SLC35G2: variants seen among roughly 807,000 people sequenced by gnomAD.
SLC35G2 encodes the protein solute carrier family 35 member G2.
SLC35G2 carries 20 observed loss-of-function variants against 27.2 expected under a neutral mutation model. The observed-to-expected ratio is 0.74, with a 90% CI of 0.52 to 1.07. The LOEUF is 1.07. Ranked by LOEUF, SLC35G2 falls within the 50% of genes least tolerant of loss-of-function variation. The pLI is 0.00. For missense variants in SLC35G2, 416 were observed against 493.3 expected (o/e 0.84, Z 1.48); for synonymous variants, 148 against 165.3 (o/e 0.90, Z 0.80).
Position 136,854,893 on chromosome 3 carries a change from G to A in SLC35G2, c.433G>A (p.Val145Ile). ...ELIFIRSVFQVLSVLVVCYYQ... is the reference protein window; with the variant it reads ...ELIFIRSVFQILSVLVVCYYQ... ...GATTTTTATCCGTTCTGTTTTTCAG[G>A]TCTTATCTGTGTTAGTTGTGTGTTA... Residue 145 changes from valine (V) to isoleucine (I), a missense_variant, in exon 2 of 2, where the codon GTC (valine) becomes ATC (isoleucine). Transcript: ENST00000446465. The A allele has an allele frequency of 1.2e-6, 2 of 1,614,126 alleles. No individual in the cohort carries two copies. The highest frequency in any genetic ancestry group is 2.2e-5 in the East Asian group (1 of 44,874).
At chr3:136,839,446 C>T (rs956748568) in intron 1 of SLC35G2, among the ~76,000 whole-genome samples, 2 of 151,904 alleles carry the variant, frequency 1.3e-5, no homozygotes, top group Admixed American at 1.3e-4. Context: ...GTTTTTTTTT[C>T]AACCTCAGTT....
intron 1 of SLC35G2, among the ~76,000 whole-genome samples, chr3:136,824,534 CA>C (rs1936537784): frequency 6.6e-6 from 1 of 152,106 alleles, no homozygotes; most frequent in South Asian, 2.1e-4. Context: ...TCACTGTTGG[CA>C]TATAGAAATG....
In SLC35G2 at chr3:136,854,469, T is replaced by G. The variant is rs372028924; in HGVS notation, c.9T>G (p.Thr3=). The G allele has an allele frequency of 6.3e-7, 1 of 1,575,574 alleles. No individual in the cohort carries two copies. The highest frequency in any genetic ancestry group is 1.2e-5 in the South Asian group (1 of 85,296). MD[T]SPSRKYPVKK... The stretch of plus-strand genomic sequence containing the variant: ...ATTGATTATCTGAAGAAATGGATAC[T>G]TCTCCCTCCAGAAAATATCCAGTTA... The change falls in exon 2 of 2, where the codon ACT becomes ACG. Residue 3 remains threonine, a synonymous_variant. Coordinates refer to ENST00000446465, the MANE Select transcript of SLC35G2 (RefSeq NM_025246.3).
intron 1 of SLC35G2, among the ~76,000 whole-genome samples, chr3:136,835,406 T>C (rs754817604): frequency 4.0e-5 from 6 of 150,598 alleles, no homozygotes; most frequent in Non-Finnish European, 8.8e-5. Flanking sequence ...AGGAATGTGA[T>C]AGAAGTGAAA....
chr3:136,855,774 CTT>C lies in SLC35G2; in HGVS notation c.*78_*79del. 8.4e-7 allele frequency: 1 copy of C among 1,197,360 alleles called. No homozygotes were observed. The highest frequency in any genetic ancestry group is 1.2e-6 in the Non-Finnish European group (1 of 816,010). 74.2% of individuals were successfully genotyped at this position (1,197,360 alleles called of 1,614,324 possible). A position where few individuals can be genotyped will look rare whatever the true frequency, so the allele number is the denominator to read the frequency against. ...CATTTTAATGTTTACCTATGAATGT[CTT>C]TTGTGTTATATAACTGACAGAGTGC... On this transcript the variant is annotated 3_prime_UTR_variant, in exon 2 of 2. Coordinates refer to ENST00000446465, the MANE Select transcript of SLC35G2 (RefSeq NM_025246.3).
intron 1 of SLC35G2, chr3:136,837,241 CA>C (rs1936899419): frequency 6.6e-6 from 1 of 152,090 alleles, no homozygotes; most frequent in African/African-American, 2.4e-5. Context: ...GTTTAGGCAC[CA>C]GACACCATCC....
intron 1 of SLC35G2, among the ~76,000 whole-genome samples, chr3:136,822,594 C>T (rs571629726): frequency 6.6e-6 from 1 of 152,190 alleles, no homozygotes. Flanking sequence ...GGATTACAGG[C>T]GTGAGCCACT....
At chr3:136,838,834 G>T (rs1936976437) in intron 1 of SLC35G2, 1 of 152,164 alleles carries the variant, frequency 6.6e-6, no homozygotes, top group Non-Finnish European at 1.5e-5. Flanking sequence ...ACTCAGCTGG[G>T]CTGCTCTGAT....
rs751359701 is a variant in SLC35G2 at position 136,854,810 on chromosome 3, G to A, written c.350G>A (p.Cys117Tyr). Residue 117 changes from cysteine (C) to tyrosine (Y), a missense_variant, in exon 2 of 2, where the codon TGT becomes TAT. By Grantham distance (194) the Cys-to-Tyr change is radical (BLOSUM62 -2). Transcript: ENST00000446465. ...VLFGSALAHG[C>Y]VALITRLVSD... ...TTTGGATCTGCTTTGGCTCATGGATGTGTAGCTCTTATCACTAGGCTTGTT... is the reference window on the plus strand; with the variant it reads ...TTTGGATCTGCTTTGGCTCATGGATATGTAGCTCTTATCACTAGGCTTGTT... 2 of 1,614,184 alleles carry A rather than the reference G, an allele frequency of 1.2e-6. No homozygotes were observed. The highest frequency in any genetic ancestry group is 1.7e-6 in the Non-Finnish European group (2 of 1,180,026).
Position 136,855,738 on chromosome 3 carries a change from AT to A in SLC35G2, c.*40del. 20 of 1,472,920 alleles carry A rather than the reference AT, an allele frequency of 1.4e-5. No individual in the cohort carries two copies. Among genetic ancestry groups the A allele is most frequent in the Non-Finnish European group, 1.9e-5 (20 of 1,052,572 alleles). The allele number at this position is 1,472,920 out of a possible 1,614,324, so 91.2% of individuals were successfully genotyped here. On this transcript the variant is annotated 3_prime_UTR_variant, in exon 2 of 2. Coordinates refer to ENST00000446465, the MANE Select transcript of SLC35G2 (RefSeq NM_025246.3). ...ATTGTCTCATTAATGTTCAGTTATT[AT>A]GTATACTGCCATTTTAATGTTTACC...
At chr3:136,821,229 A>G in intron 1 of SLC35G2, among the ~76,000 whole-genome samples, 1 of 83,176 alleles carries the variant, frequency 1.2e-5, no homozygotes, top group Non-Finnish European at 2.7e-5. Context: ...TTTTAAATGG[A>G]CCAATCCTCT....
rs187443639 is a variant in SLC35G2, at chr3:136,834,426, C to T, written c.-19+14798C>T. ...TTGGCTTACTGCAACCTCTGCCTCCCGGGTTCAAGCGATTCTCATGCCTCA... is the reference window on the plus strand; with the variant it reads ...TTGGCTTACTGCAACCTCTGCCTCCTGGGTTCAAGCGATTCTCATGCCTCA... On this transcript the variant is annotated intron_variant, in intron 1 of 1. Transcript: ENST00000446465. 4.7e-4 allele frequency among the ~76,000 whole-genome samples: 72 copies of T among 152,166 alleles called. No homozygotes were observed. In the East Asian group the frequency reaches 0.012, roughly 24 times the overall value.
intron 1 of SLC35G2, among the ~76,000 whole-genome samples, chr3:136,822,463 C>T (rs538664431): frequency 1.8e-3 from 267 of 152,190 alleles, no homozygotes; most frequent in African/African-American, 6.0e-3. Flanking sequence ...TACAGGTGCC[C>T]GCCACCACAC....
chr3:136,838,559 T>C (rs1200552398), intron 1 of SLC35G2: 2 of 152,146 alleles, frequency 1.3e-5, no homozygotes, highest in East Asian at 1.9e-4. Context: ...ACGGTGTCAA[T>C]AGTATGAAGA....
At chr3:136,845,856 AG>A (rs1244493455) in intron 1 of SLC35G2, among the ~76,000 whole-genome samples, 1 of 151,840 alleles carries the variant, frequency 6.6e-6, no homozygotes, top group Non-Finnish European at 1.5e-5. Context: ...GGCCTCCCAA[AG>A]TGCTGGGATG....
At chr3:136,827,460 G>A (rs1001753295) in intron 1 of SLC35G2, among the ~76,000 whole-genome samples, 3 of 152,206 alleles carry the variant, frequency 2.0e-5, no homozygotes, top group Middle Eastern at 3.4e-3. Context: ...GCAATCTGCC[G>A]GCCTCAGCCT....
intron 1 of SLC35G2, among the ~76,000 whole-genome samples, chr3:136,834,962 C>T (rs1356816972): frequency 6.6e-6 from 1 of 152,094 alleles, no homozygotes; most frequent in Non-Finnish European, 1.5e-5. Context: ...TTTTTCTGAA[C>T]CAATCGAAGG....
intron 1 of SLC35G2, among the ~76,000 whole-genome samples, chr3:136,849,362 AATAAGT>A (rs1013281883): frequency 2.0e-5 from 3 of 152,084 alleles, no homozygotes; most frequent in Non-Finnish European, 4.4e-5. Flanking sequence ...AATCATAGGT[AATAAGT>A]ATAATTATCT....
At chr3:136,846,232 A>C (rs541436418) in intron 1 of SLC35G2, among the ~76,000 whole-genome samples, 1 of 152,236 alleles carries the variant, frequency 6.6e-6, no homozygotes, top group South Asian at 2.1e-4. Context: ...ATTCTGTATT[A>C]CTTTTCTCAG....
Sources: gnomAD v4.1 joint callset for allele counts (sites outside exome capture counted in the v4.1 genomes callset) on GRCh38, gnomAD v4.1.1 for gene constraint, MANE v1.5 for transcripts, NCBI Gene and HGNC (gene_info 2026-07-23, HGNC 2026-07-21) for gene names.